The following NPC1L1 variants were observed in gnomAD, a reference collection of about 807,000 sequenced individuals.
NPC1L1 encodes NPC1-like intracellular cholesterol transporter 1.
Under a neutral mutation model 117.0 loss-of-function variants are expected in NPC1L1, and 98 were observed. The ratio of observed to expected loss-of-function variants is 0.84; its 90% confidence interval spans 0.71 to 0.99. The LOEUF (loss-of-function observed/expected upper bound fraction) is 0.99. Ranked by LOEUF, NPC1L1 falls within the 50% of genes least tolerant of loss-of-function variation. The pLI, the probability that NPC1L1 is intolerant of heterozygous loss-of-function variation, is 0.00. For synonymous variants in NPC1L1, 729 were observed against 727.6 expected, an observed-to-expected ratio of 1.00 and a Z score of -0.03; for missense variants, 1,540 against 1,710.0, an observed-to-expected ratio of 0.90 and a Z score of 1.75.
At chr7:44,521,424 C>T (rs147326974) in intron 12 of NPC1L1, among the ~76,000 whole-genome samples, 132 of 152,336 alleles carry the variant, frequency 8.7e-4, no homozygotes, top group African/African-American at 3.0e-3. Context: ...AGCAGCTCTC[C>T]CCTCCTGACT....
At chr7:44,535,771 T>G in intron 5 of NPC1L1, 69 bp downstream of exon 5, 2 of 1,607,716 alleles carry the variant, frequency 1.2e-6, no homozygotes, top group Non-Finnish European at 1.7e-6. Context: ...AGGAAAGTTG[T>G]AGAAGGCCTA....
At position 44,536,618 on chromosome 7, in the gene NPC1L1, G is replaced by C. The variant is rs1801903803; in HGVS notation, c.1682-190C>G. On this transcript the variant is annotated intron_variant, in intron 3 of 18. Transcript: ENST00000381160. The surrounding 1 kb of genome is among the most constrained non-coding windows in gnomAD (Gnocchi z 4.7). ...CCCCACTTCTCTCAGCCAAAGGCGA[G>C]ACCTTTGGGCCCAGGCAGAAAAACC... is the stretch of plus-strand genomic sequence containing the variant. 6.6e-6 allele frequency among the ~76,000 whole-genome samples: 1 copy of C among 151,930 alleles called. No individual in the cohort carries two copies. Among genetic ancestry groups the C allele is most frequent in the African/African-American group, 2.4e-5 (1 of 41,338 alleles).
rs1801962353 is a variant in NPC1L1, at chr7:44,538,311, G to A, written c.1580+506C>T. Among the ~76,000 whole-genome samples the A allele has an allele frequency of 2.0e-5, 3 of 152,348 alleles. No individual in the cohort carries two copies. The highest frequency in any genetic ancestry group is 6.8e-3 in the Middle Eastern group (2 of 294). On this transcript the variant is annotated intron_variant, in intron 2 of 18. Transcript: ENST00000381160. This position sits in a 1 kb window ranked among gnomAD's most constrained non-coding sequence, Gnocchi z 5.9. ...ACCCCAATCAATAGAAGTGTGTGTGGCTGTGGCCTACCCCAGGACACCCGG... is the reference window on the plus strand; with the variant it reads ...ACCCCAATCAATAGAAGTGTGTGTGACTGTGGCCTACCCCAGGACACCCGG...
chr7:44,520,727 C>A, intron 14 of NPC1L1, 38 bp downstream of exon 14: 1 of 1,599,286 alleles, frequency 6.3e-7, no homozygotes. Flanking sequence ...CCAGAGCAAC[C>A]GATTTATGTC....
At chr7:44,516,332 A>G in intron 16 of NPC1L1, 135 bp from the exon 17 acceptor site, 1 of 806,062 alleles carries the variant, frequency 1.2e-6, no homozygotes, top group Non-Finnish European at 2.1e-6. Flanking sequence ...GGCCGGGTGC[A>G]GTGGCTCATG....
chr7:44,538,720 C>T lies in NPC1L1; in HGVS notation c.1580+97G>A. ...GTAGGAATAGCTACCTCTGGTCCTT[C>T]AGGACCAGCTGTATGCCCGGCCAGG... On this transcript the variant is annotated intron_variant, in intron 2 of 18. Coordinates refer to ENST00000381160, the MANE Select transcript of NPC1L1 (RefSeq NM_001101648.2). This position sits in a 1 kb window ranked among gnomAD's most constrained non-coding sequence, Gnocchi z 5.9. The T allele has an allele frequency of 3.2e-6, 4 of 1,235,998 alleles. No homozygotes were observed. Among genetic ancestry groups the T allele is most frequent in the Non-Finnish European group, 3.6e-6 (3 of 843,916 alleles). The allele number at this position is 1,235,998 out of a possible 1,614,324, so 76.6% of individuals were successfully genotyped here.
intron 16 of NPC1L1, 81 bp downstream of exon 16, chr7:44,516,622 A>T: frequency 1.7e-6 from 2 of 1,170,984 alleles, no homozygotes; most frequent in Non-Finnish European, 2.5e-6. Context: ...AAGAAACAAA[A>T]AAGAACTAGG....
chr7:44,536,522 ACCCCTCCCATCACCCCTTGCTCCTTCTC>A lies in NPC1L1; in HGVS notation c.1682-122_1682-95del. The A allele has an allele frequency of 7.6e-7, 1 of 1,313,136 alleles. No individual in the cohort carries two copies. Among genetic ancestry groups the A allele is most frequent in the South Asian group, 1.2e-5 (1 of 83,618 alleles). The allele number at this position is 1,313,136 out of a possible 1,614,324, so 81.3% of individuals were successfully genotyped here. ...ATATTCCCTCCCCCTATCTAGCTGCACCCCTCCCATCACCCCTTGCTCCTTCTCCCCCACTCCTTCCTCATCTGATACA... is the reference window on the plus strand; with the variant it reads ...ATATTCCCTCCCCCTATCTAGCTGCACCCCACTCCTTCCTCATCTGATACA... On this transcript the variant is annotated intron_variant, in intron 3 of 18. Transcript: ENST00000381160. The surrounding 1 kb of genome is among the most constrained non-coding windows in gnomAD (Gnocchi z 4.7).
rs1372669665 is a variant in NPC1L1, at chr7:44,541,119, C to T, written c.54+87G>A. 5 of 1,425,284 alleles carry T rather than the reference C, an allele frequency of 3.5e-6. No individual in the cohort carries two copies. In the Admixed American group the frequency reaches 7.9e-5, roughly 23 times the overall value. 88.3% of individuals were successfully genotyped at this position (1,425,284 alleles called of 1,614,324 possible). On this transcript the variant is annotated intron_variant, in intron 1 of 18. Transcript: ENST00000381160. ...AGGCCCTGAGGCTCCCTTGCTGTCA[C>T]CCAGTAACGCTCGCCTGGTACACGG...
Position 44,532,084 on chromosome 7 carries a change from A to G in NPC1L1, c.2543T>C (p.Val848Ala), listed in dbSNP as rs752151159. The G allele has an allele frequency of 9.3e-6, 15 of 1,613,956 alleles. No homozygotes were observed. Among genetic ancestry groups the G allele is most frequent in the Non-Finnish European group, 1.3e-5 (15 of 1,180,010 alleles). The change falls in exon 9 of 19, where the codon GTT becomes GCT. Residue 848 changes from valine (V) to alanine (A), a missense_variant. By Grantham distance (64) the Val-to-Ala change is moderately conservative. Coordinates refer to ENST00000381160, the MANE Select transcript of NPC1L1 (RefSeq NM_001101648.2). ...TGTGGTTCGAGGCCCACTCACCACA[A>G]CACCTCGAGTGATCCAGTGCAGCAG... Reference protein sequence around the residue: ...PFLLHWITRGVVLLLFLALFG... With the variant: ...PFLLHWITRGAVLLLFLALFG...
chr7:44,525,783 G>T (rs532229558), intron 10 of NPC1L1, among the ~76,000 whole-genome samples: 1 of 152,136 alleles, frequency 6.6e-6, no homozygotes, highest in East Asian at 1.9e-4. Flanking sequence ...GAAGTGACTT[G>T]GCATATACAA....
chr7:44,526,601 TG>T (rs1801525489), intron 10 of NPC1L1, among the ~76,000 whole-genome samples: 1 of 149,720 alleles, frequency 6.7e-6, no homozygotes, highest in African/African-American at 2.5e-5. Flanking sequence ...AGATGCCAGA[TG>T]AGGTGATTCG....
chr7:44,529,308 G>GA (rs1801624210), intron 10 of NPC1L1, among the ~76,000 whole-genome samples: 1 of 150,336 alleles, frequency 6.7e-6, no homozygotes, highest in Non-Finnish European at 1.5e-5. Flanking sequence ...TGGAAGAACA[G>GA]AAAAAAGATA....
intron 10 of NPC1L1, among the ~76,000 whole-genome samples, chr7:44,525,549 C>A (rs912063777): frequency 1.3e-5 from 2 of 152,126 alleles, no homozygotes; most frequent in Admixed American, 1.3e-4. Context: ...AGCCACTGCA[C>A]CCAGCTGGAT....
chr7:44,512,984 C>A lies in NPC1L1; in HGVS notation c.*463G>T. On this transcript the variant is annotated 3_prime_UTR_variant, in exon 19 of 19. Coordinates refer to ENST00000381160, the MANE Select transcript of NPC1L1 (RefSeq NM_001101648.2). ...TGGCTCTTGGCCTGAGCCTTTGCCT[C>A]TCTCTGGCCTCCTGTGATATCACAC... is the stretch of plus-strand genomic sequence containing the variant. The A allele has an allele frequency of 4.6e-6, 1 of 217,238 alleles. No homozygotes were observed. 13.5% of individuals were successfully genotyped at this position (217,238 alleles called of 1,614,324 possible).
At chr7:44,530,394 T>A (rs1262421212) in intron 10 of NPC1L1, among the ~76,000 whole-genome samples, 1 of 151,786 alleles carries the variant, frequency 6.6e-6, no homozygotes, top group African/African-American at 2.4e-5. Flanking sequence ...GAGGGGAGAA[T>A]GGGGAGTCAC....
rs1441496056 is a variant in NPC1L1 at position 44,516,795 on chromosome 7, G to A, written c.3427C>T (p.Leu1143Phe). 3 of 1,614,112 alleles carry A rather than the reference G, an allele frequency of 1.9e-6. No homozygotes were observed. The South Asian group carries it at 3.3e-5, about 18-fold the overall frequency. ...TCCACGAGGATCATGACAATGGAGAGCAGGTTGAGGAGGCCGGAGCGCAGG... is the reference window on the plus strand; with the variant it reads ...TCCACGAGGATCATGACAATGGAGAACAGGTTGAGGAGGCCGGAGCGCAGG... ...LDLRSGLLNL[L>F]SIVMILVDTV... The change falls in exon 16 of 19, where the codon CTC (leucine) becomes TTC (phenylalanine). Residue 1143 changes from leucine (L) to phenylalanine (F), a missense_variant. By Grantham distance (22) the Leu-to-Phe change is conservative. Transcript: ENST00000381160.
chr7:44,538,235 T>C lies in NPC1L1; in HGVS notation c.1580+582A>G, dbSNP rs2117078093. 6.6e-6 allele frequency among the ~76,000 whole-genome samples: 1 copy of C among 152,346 alleles called. No homozygotes were observed. Among genetic ancestry groups the C allele is most frequent in the South Asian group, 2.1e-4 (1 of 4,830 alleles). ...TCTTGGCCCCCTTGGCCCAGCAGCGTTGTTGGCATCTTGTTGGCAGCACAC... is the reference window on the plus strand; with the variant it reads ...TCTTGGCCCCCTTGGCCCAGCAGCGCTGTTGGCATCTTGTTGGCAGCACAC... On this transcript the variant is annotated intron_variant, in intron 2 of 18. Coordinates refer to ENST00000381160, the MANE Select transcript of NPC1L1 (RefSeq NM_001101648.2). This position sits in a 1 kb window ranked among gnomAD's most constrained non-coding sequence, Gnocchi z 5.9.
chr7:44,524,449 C>CA (rs1338073603), intron 10 of NPC1L1, among the ~76,000 whole-genome samples: 2 of 152,144 alleles, frequency 1.3e-5, no homozygotes, highest in African/African-American at 4.8e-5. Context: ...ACTTACTAGA[C>CA]AAAGACTTCA....
Sources: gnomAD v4.1 joint callset for allele counts (sites outside exome capture counted in the v4.1 genomes callset) on GRCh38, gnomAD v4.1.1 for gene constraint, Gnocchi (gnomAD v3.1) non-coding constraint, MANE v1.5 for transcripts, NCBI Gene and HGNC (gene_info 2026-07-23, HGNC 2026-07-21) for gene names.